The following PHEX variants were observed in gnomAD, a reference collection of about 807,000 sequenced individuals.
PHEX encodes the protein phosphate regulating endopeptidase X-linked.
PHEX carries 16 observed loss-of-function variants against 68.0 expected under a neutral mutation model. The ratio of observed to expected loss-of-function variants is 0.24; its 90% CI spans 0.16 to 0.36. PHEX has a LOEUF of 0.36. Ranked by LOEUF, PHEX falls within the 10% of genes least tolerant of loss-of-function variation. The pLI, the probability that PHEX is intolerant of heterozygous loss-of-function variation, is 1.00. For synonymous variants in PHEX, 208 were observed against 205.1 expected, an observed-to-expected ratio of 1.01 and a Z score of -0.12; for missense variants, 480 against 575.5, an observed-to-expected ratio of 0.83 and a Z score of 1.70.
chrX:22,046,736 T>C (rs1284710197), intron 2 of PHEX, among the ~76,000 whole-genome samples: 1 of 109,657 alleles, frequency 9.1e-6, no homozygotes, highest in Non-Finnish European at 1.9e-5. Flanking sequence ...CTGGCTAATT[T>C]TTGTATTTTT....
At chrX:22,233,122 A>G (rs1602420864) in intron 20 of PHEX, among the ~76,000 whole-genome samples, 1 of 111,891 alleles carries the variant, frequency 8.9e-6, no homozygotes. Flanking sequence ...AGATTGTTGA[A>G]TATTGGCCCT....
rs377228787 is a variant in PHEX at position 22,238,440 on chromosome X, G to T, written c.2071-6893G>T. ...GCATTTCCCACAGTCTTCGCAACTG[G>T]CAGACCAGGAGATTCCTTACAGTAC... is the stretch of plus-strand genomic sequence containing the variant. On this transcript the variant is annotated intron_variant, in intron 20 of 21. Coordinates refer to ENST00000379374, the MANE Select transcript of PHEX (RefSeq NM_000444.6). Among the ~76,000 whole-genome samples, 3 of 111,762 alleles carry T rather than the reference G, an allele frequency of 2.7e-5. No homozygotes were observed. In the East Asian group the frequency reaches 8.4e-4, roughly 31 times the overall value.
At chrX:22,060,909 A>G (rs1337303319) in intron 3 of PHEX, among the ~76,000 whole-genome samples, 3 of 111,786 alleles carry the variant, frequency 2.7e-5, no homozygotes, top group Non-Finnish European at 5.6e-5. Context: ...GAAGGATTGC[A>G]TATTTTTGAA....
At chrX:22,070,788 G>T (rs1205289104) in intron 3 of PHEX, among the ~76,000 whole-genome samples, 1 of 111,994 alleles carries the variant, frequency 8.9e-6, no homozygotes, top group African/African-American at 3.2e-5. Context: ...TGGAAATATT[G>T]CAGGGTCAGG....
intron 15 of PHEX, among the ~76,000 whole-genome samples, chrX:22,211,467 A>T (rs1187946807): frequency 8.9e-6 from 1 of 112,483 alleles, no homozygotes; most frequent in African/African-American, 3.2e-5. Flanking sequence ...TGCAAACATA[A>T]GAGCATTTAA....
chrX:22,092,749 C>CTTTTTTTTTTTTTTTTTTTTTTT (rs370527485), intron 6 of PHEX, among the ~76,000 whole-genome samples: 1 of 77,953 alleles, frequency 1.3e-5, no homozygotes, highest in Non-Finnish European at 2.3e-5. Context: ...TTCTTTCTTT[C>CTTTTTTTTTTTTTTTTTTTTTTT]TTTTTTTTTT....
intron 12 of PHEX, 55 bp downstream of exon 12, chrX:22,133,679 A>G (rs998729424): frequency 6.3e-5 from 56 of 883,459 alleles, no homozygotes; most frequent in Non-Finnish European, 8.4e-5. Context: ...ATGGATGTTC[A>G]TGCTTGACAT....
rs1223215120 is a variant in PHEX, at chrX:22,160,636, TACTC to T, written c.1405-7672_1405-7669del. On this transcript the variant is annotated intron_variant, in intron 12 of 21. Transcript: ENST00000379374. ...TAAAACCATCAGATCTCCTGAGACTTACTCACTATCAAGAGAACAGCACAGGAAA... is the reference window on the plus strand; with the variant it reads ...TAAAACCATCAGATCTCCTGAGACTTACTATCAAGAGAACAGCACAGGAAA... Among the ~76,000 whole-genome samples, 7 of 109,636 alleles carry T rather than the reference TACTC, an allele frequency of 6.4e-5. No individual in the cohort carries two copies. In the East Asian group the frequency reaches 8.6e-4, roughly 13 times the overall value.
At chrX:22,244,000 A>C (rs1936312586) in intron 20 of PHEX, among the ~76,000 whole-genome samples, 1 of 112,219 alleles carries the variant, frequency 8.9e-6, no homozygotes, top group Admixed American at 9.4e-5. Context: ...TTATTGCGGC[A>C]CTGTTCACAA....
chrX:22,105,625 A>G (rs1321155703), intron 9 of PHEX, among the ~76,000 whole-genome samples: 1 of 111,831 alleles, frequency 8.9e-6, no homozygotes, highest in Non-Finnish European at 1.9e-5. Context: ...GAGCAAATGC[A>G]AGTTCTGGAA....
At chrX:22,223,714 TGAAA>T (rs780578705) in intron 18 of PHEX, among the ~76,000 whole-genome samples, 81 of 112,144 alleles carry the variant, frequency 7.2e-4, no homozygotes, top group Non-Finnish European at 1.3e-3. Context: ...CCAGTGTGGG[TGAAA>T]GAGAGAGACC....
At chrX:22,232,147 T>TTTTC (rs1203749666) in intron 20 of PHEX, among the ~76,000 whole-genome samples, 1 of 111,639 alleles carries the variant, frequency 9.0e-6, no homozygotes. Context: ...TTTGTTATGA[T>TTTTC]TTTCTTTCTT....
At chrX:22,041,706 C>G (rs1364678729) in intron 2 of PHEX, among the ~76,000 whole-genome samples, 2 of 110,401 alleles carry the variant, frequency 1.8e-5, no homozygotes, top group African/African-American at 3.3e-5. Context: ...GGTGCTTTGG[C>G]TGTGGTGGGG....
intron 6 of PHEX, among the ~76,000 whole-genome samples, chrX:22,092,906 C>T (rs757311298): frequency 5.5e-4 from 60 of 109,005 alleles, no homozygotes; most frequent in Non-Finnish European, 1.0e-3. Context: ...TGCGCCACCA[C>T]GCCCAGCTAG....
intron 12 of PHEX, among the ~76,000 whole-genome samples, chrX:22,158,220 T>A (rs979784592): frequency 1.2e-4 from 13 of 112,148 alleles, no homozygotes; most frequent in African/African-American, 4.2e-4. Context: ...AATGATAGTG[T>A]AATTCATGTA....
At chrX:22,169,162 G>T (rs955766135) in intron 13 of PHEX, among the ~76,000 whole-genome samples, 1 of 111,899 alleles carries the variant, frequency 8.9e-6, no homozygotes. Context: ...TTCAACAAGT[G>T]GCATATCTGA....
At chrX:22,079,215 A>G (rs974276499) in intron 5 of PHEX, among the ~76,000 whole-genome samples, 3 of 111,999 alleles carry the variant, frequency 2.7e-5, no homozygotes, top group African/African-American at 9.7e-5. Context: ...TGCAAACGGT[A>G]GCCATTTTAT....
chrX:22,126,699 T>C (rs1052079223), intron 11 of PHEX, among the ~76,000 whole-genome samples: 1 of 110,266 alleles, frequency 9.1e-6, no homozygotes, highest in African/African-American at 3.3e-5. Context: ...CAATGTCTGG[T>C]GTCTGATGTA....
chrX:22,147,447 G>A (rs1365912026), intron 12 of PHEX, among the ~76,000 whole-genome samples: 1 of 110,829 alleles, frequency 9.0e-6, no homozygotes, highest in Admixed American at 9.7e-5. Context: ...TGCTCAGTCA[G>A]TTGTACAGGA....
Sources: allele counts gnomAD v4.1 joint callset (sites outside exome capture counted in the v4.1 genomes callset), GRCh38; gene constraint gnomAD v4.1.1; transcripts MANE v1.5; gene names NCBI Gene and HGNC (gene_info 2026-07-23, HGNC 2026-07-21).